Variants in GHR observed in about 807,000 individuals in gnomAD.
GHR encodes the protein GH receptor.
GHR carries 35 observed loss-of-function variants against 67.1 expected under a neutral mutation model. The observed-to-expected ratio is 0.52, with a 90% CI of 0.40 to 0.69. The LOEUF (loss-of-function observed/expected upper bound fraction) is 0.69. Ranked by LOEUF, GHR falls within the 30% of genes least tolerant of loss-of-function variation. The pLI, the probability that GHR is intolerant of heterozygous loss-of-function variation, is 0.00. For missense variants in GHR, 792 were observed against 764.6 expected (o/e 1.04, Z -0.42); for synonymous variants, 272 against 269.1 (o/e 1.01, Z -0.10).
chr5:42,691,108 A>G (rs751107500), intron 4 of GHR, among the ~76,000 whole-genome samples: 4 of 152,106 alleles, frequency 2.6e-5, no homozygotes, highest in Admixed American at 6.6e-5. Flanking sequence ...TGCACACTCC[A>G]GTCATTTCAG....
intron 1 of GHR, among the ~76,000 whole-genome samples, chr5:42,559,404 G>C (rs1012169419): frequency 1.3e-5 from 2 of 152,098 alleles, no homozygotes; most frequent in East Asian, 1.9e-4. Context: ...AAAATAGCTA[G>C]GTGTGTTGGC....
chr5:42,638,216 C>T (rs1754299136), intron 3 of GHR, among the ~76,000 whole-genome samples: 1 of 152,022 alleles, frequency 6.6e-6, no homozygotes, highest in Admixed American at 6.6e-5. Flanking sequence ...ATACTGCCCC[C>T]TCAGTATAAT....
At chr5:42,497,166 A>T (rs1266911770) in intron 1 of GHR, among the ~76,000 whole-genome samples, 2 of 152,166 alleles carry the variant, frequency 1.3e-5, no homozygotes, top group Non-Finnish European at 2.9e-5. Context: ...TAGCCTTCAC[A>T]TGGAGCCACC....
chr5:42,451,520 T>C (rs1276876054), intron 1 of GHR, among the ~76,000 whole-genome samples: 1 of 151,914 alleles, frequency 6.6e-6, no homozygotes, highest in African/African-American at 2.4e-5. Context: ...GATGGGCAGA[T>C]CACAAGGTCA....
chr5:42,685,871 T>C (rs1012904735), intron 3 of GHR, among the ~76,000 whole-genome samples: 2 of 152,182 alleles, frequency 1.3e-5, no homozygotes, highest in Non-Finnish European at 2.9e-5. Context: ...ATTGCAAAAA[T>C]ATTCCCCCAT....
intron 3 of GHR, among the ~76,000 whole-genome samples, chr5:42,685,251 T>C (rs1757081629): frequency 6.6e-6 from 1 of 152,198 alleles, no homozygotes; most frequent in African/African-American, 2.4e-5. Flanking sequence ...GCTTCATCCA[T>C]GTCCCTGCAA....
chr5:42,565,861 C>G lies in GHR; in HGVS notation c.-11-3C>G, dbSNP rs750507074. ...CTTTACCTTACCCTTTTTGTGATTG[C>G]AGGTCCTACAGGTATGGATCTCTGG... On this transcript the variant is annotated splice_polypyrimidine_tract_variant and splice_region_variant and intron_variant, in intron 1 of 9. Coordinates refer to ENST00000230882, the MANE Select transcript of GHR (RefSeq NM_000163.5). 6.2e-7 allele frequency: 1 copy of G among 1,613,564 alleles called. No homozygotes were observed. The highest frequency in any genetic ancestry group is 8.5e-7 in the Non-Finnish European group (1 of 1,179,620).
At chr5:42,699,742 A>C in intron 5 of GHR, 82 bp from the exon 6 acceptor site, 1 of 871,184 alleles carries the variant, frequency 1.1e-6, no homozygotes, top group Non-Finnish European at 2.0e-6. Context: ...TGTAGAAAGT[A>C]ATTTGGTCTT....
intron 1 of GHR, among the ~76,000 whole-genome samples, chr5:42,488,136 C>T (rs932214661): frequency 6.6e-6 from 1 of 152,196 alleles, no homozygotes; most frequent in Non-Finnish European, 1.5e-5. Flanking sequence ...TTTCATCATA[C>T]AATGTATCTA....
intron 8 of GHR, among the ~76,000 whole-genome samples, chr5:42,716,387 CTT>C (rs1164342061): frequency 6.6e-6 from 1 of 152,178 alleles, no homozygotes; most frequent in Non-Finnish European, 1.5e-5. Flanking sequence ...GGGTCACAAA[CTT>C]ATTTCATAGA....
intron 1 of GHR, among the ~76,000 whole-genome samples, chr5:42,564,184 ATGTGTG>A (rs1749797172): frequency 3.8e-5 from 5 of 130,894 alleles, no homozygotes; most frequent in South Asian, 2.3e-4. Context: ...AAATCTCACA[ATGTGTG>A]AGATTTATTT....
At chr5:42,528,669 AAAG>A (rs1439680995) in intron 1 of GHR, among the ~76,000 whole-genome samples, 2 of 152,242 alleles carry the variant, frequency 1.3e-5, no homozygotes, top group Admixed American at 6.5e-5. Context: ...TCCAATTTTA[AAAG>A]AAGTTCTGTG....
intron 1 of GHR, among the ~76,000 whole-genome samples, chr5:42,448,739 T>C (rs982420516): frequency 6.6e-6 from 1 of 152,054 alleles, no homozygotes; most frequent in African/African-American, 2.4e-5. Flanking sequence ...TTTTTTGATG[T>C]TATCTTCTAG....
At chr5:42,478,014 T>G (rs1425579703) in intron 1 of GHR, among the ~76,000 whole-genome samples, 1 of 152,014 alleles carries the variant, frequency 6.6e-6, no homozygotes, top group Non-Finnish European at 1.5e-5. Context: ...TTCATGGTTT[T>G]AGGTCTAACA....
chr5:42,459,035 G>A (rs998892395), intron 1 of GHR, among the ~76,000 whole-genome samples: 1 of 152,156 alleles, frequency 6.6e-6, no homozygotes, highest in African/African-American at 2.4e-5. Flanking sequence ...ACTGAAAAGG[G>A]AATGCTTATA....
intron 1 of GHR, among the ~76,000 whole-genome samples, chr5:42,487,581 G>C (rs1030811494): frequency 2.0e-5 from 3 of 152,118 alleles, no homozygotes; most frequent in Admixed American, 1.3e-4. Flanking sequence ...CAAATCAACA[G>C]AAGCGACCTG....
chr5:42,714,248 T>G (rs1218822751), intron 8 of GHR: 1 of 152,170 alleles, frequency 6.6e-6, no homozygotes, highest in Non-Finnish European at 1.5e-5. Context: ...TTAATCTTGT[T>G]GCTTCTCCTA....
chr5:42,690,859 C>G (rs1757390153), intron 4 of GHR, among the ~76,000 whole-genome samples: 1 of 152,186 alleles, frequency 6.6e-6, no homozygotes, highest in South Asian at 2.1e-4. Flanking sequence ...TTTGATGACA[C>G]TTTTGAAATG....
chr5:42,524,708 C>A (rs1747629568), intron 1 of GHR, among the ~76,000 whole-genome samples: 1 of 152,116 alleles, frequency 6.6e-6, no homozygotes. Flanking sequence ...ACCCAGAGGC[C>A]CAGGAGGAAA....
Sources: allele counts gnomAD v4.1 joint callset (sites outside exome capture counted in the v4.1 genomes callset), GRCh38; gene constraint gnomAD v4.1.1; transcripts MANE v1.5; gene names NCBI Gene and HGNC (gene_info 2026-07-23, HGNC 2026-07-21).